The following STPG2 variants were observed in gnomAD, a reference collection of about 807,000 sequenced individuals.
STPG2 encodes the protein sperm-tail PG-rich repeat-containing protein 2.
Under a neutral mutation model 54.2 loss-of-function variants are expected in STPG2, and 56 were observed. That is an observed-to-expected ratio of 1.03 (90% CI 0.83 to 1.29). The LOEUF (loss-of-function observed/expected upper bound fraction) is 1.29, where lower values mean the gene tolerates loss of function less well. STPG2 is among the 50% of genes most tolerant of loss of function. STPG2 has a pLI of 0.00. For synonymous variants in STPG2, 200 were observed against 181.8 expected (o/e 1.10, Z -0.81); for missense variants, 596 against 544.9 (o/e 1.09, Z -0.93).
At chr4:97,816,631 G>A (rs974634665) in intron 9 of STPG2, among the ~76,000 whole-genome samples, 4 of 152,140 alleles carry the variant, frequency 2.6e-5, no homozygotes, top group South Asian at 2.1e-4. Flanking sequence ...CACCACGGAT[G>A]AGCATCATGC....
intron 9 of STPG2, among the ~76,000 whole-genome samples, chr4:97,755,447 T>A (rs1467806788): frequency 6.6e-6 from 1 of 152,224 alleles, no homozygotes; most frequent in East Asian, 1.9e-4. Flanking sequence ...CTGAGTTACC[T>A]TTAATTACAC....
chr4:98,062,052 C>T (rs1357775755), intron 5 of STPG2, among the ~76,000 whole-genome samples: 2 of 152,094 alleles, frequency 1.3e-5, no homozygotes, highest in African/African-American at 4.8e-5. Context: ...AACCTAAATG[C>T]CCATCAATGA....
chr4:97,572,096 G>T (rs1732615820), intron 10 of STPG2, among the ~76,000 whole-genome samples: 1 of 152,006 alleles, frequency 6.6e-6, no homozygotes, highest in African/African-American at 2.4e-5. Flanking sequence ...TCAGACTATT[G>T]GTCTTAACTA....
At chr4:97,481,839 T>C (rs977752647) in intron 4 of STPG2, among the ~76,000 whole-genome samples, 1 of 151,652 alleles carries the variant, frequency 6.6e-6, no homozygotes, top group Non-Finnish European at 1.5e-5. Flanking sequence ...CTTATATTTT[T>C]CTTGACTTAT....
At chr4:98,034,052 T>C (rs557015603) in intron 5 of STPG2, among the ~76,000 whole-genome samples, 81 of 152,180 alleles carry the variant, frequency 5.3e-4, no homozygotes, top group African/African-American at 1.9e-3. Context: ...AAGATAAAAA[T>C]GCCCTCTCAC....
intron 8 of STPG2, among the ~76,000 whole-genome samples, chr4:97,847,140 A>C (rs954893074): frequency 1.3e-5 from 2 of 152,178 alleles, no homozygotes; most frequent in African/African-American, 2.4e-5. Context: ...TTGCCTAAAT[A>C]TTCAGAAAAC....
At chr4:98,138,822 G>C (rs1484739262) in intron 1 of STPG2, among the ~76,000 whole-genome samples, 1 of 151,996 alleles carries the variant, frequency 6.6e-6, no homozygotes, top group African/African-American at 2.4e-5. Context: ...AGAAATCTGG[G>C]AAAGAATATT....
chr4:97,597,579 A>G (rs1219127641), intron 10 of STPG2, among the ~76,000 whole-genome samples: 1 of 152,178 alleles, frequency 6.6e-6, no homozygotes, highest in Non-Finnish European at 1.5e-5. Flanking sequence ...TTGTTTCAAT[A>G]TATGCAAATC....
intron 10 of STPG2, among the ~76,000 whole-genome samples, chr4:97,708,119 A>G (rs1724007125): frequency 6.6e-6 from 1 of 152,168 alleles, no homozygotes; most frequent in Non-Finnish European, 1.5e-5. Context: ...ATACACGGCA[A>G]AAACAAACAT....
chr4:97,828,983 G>A (rs895021642), intron 9 of STPG2, among the ~76,000 whole-genome samples: 1 of 152,208 alleles, frequency 6.6e-6, no homozygotes, highest in Non-Finnish European at 1.5e-5. Flanking sequence ...TGATGGCTCT[G>A]AGAGCAGCAG....
At chr4:97,780,443 G>C (rs1471273445) in intron 9 of STPG2, among the ~76,000 whole-genome samples, 2 of 34,404 alleles carry the variant, frequency 5.8e-5, no homozygotes, top group Admixed American at 6.8e-4. Flanking sequence ...AGTCCTTAGA[G>C]ACCTACAAAG....
At chr4:97,702,123 C>T (rs1344940288) in intron 10 of STPG2, among the ~76,000 whole-genome samples, 1 of 152,180 alleles carries the variant, frequency 6.6e-6, no homozygotes, top group Non-Finnish European at 1.5e-5. Flanking sequence ...GCATTTGGAT[C>T]CCTTCCTCTA....
At chr4:97,694,189 C>A (rs934311031) in intron 10 of STPG2, among the ~76,000 whole-genome samples, 5 of 151,692 alleles carry the variant, frequency 3.3e-5, no homozygotes, top group African/African-American at 1.2e-4. Context: ...GAAACTGAAA[C>A]AAACAAACAA....
At chr4:98,133,742 G>C (rs1163693625) in intron 2 of STPG2, among the ~76,000 whole-genome samples, 2 of 151,906 alleles carry the variant, frequency 1.3e-5, no homozygotes, top group Non-Finnish European at 2.9e-5. Context: ...CTTCAACAAG[G>C]ACTTTATCTG....
chr4:97,584,090 T>C (rs1410340630), intron 10 of STPG2, among the ~76,000 whole-genome samples: 2 of 151,868 alleles, frequency 1.3e-5, no homozygotes, highest in Non-Finnish European at 2.9e-5. Flanking sequence ...TTATTTTCAT[T>C]AGCATATGGA....
At chr4:97,794,409 A>G (rs1727101845) in intron 9 of STPG2, among the ~76,000 whole-genome samples, 1 of 152,148 alleles carries the variant, frequency 6.6e-6, no homozygotes, top group Non-Finnish European at 1.5e-5. Context: ...TCTACAAAGT[A>G]TGCTACTAAA....
At chr4:97,860,871 C>T (rs1729508553) in intron 8 of STPG2, among the ~76,000 whole-genome samples, 1 of 152,142 alleles carries the variant, frequency 6.6e-6, no homozygotes, top group South Asian at 2.1e-4. Context: ...AGGGAAAATG[C>T]TTTCAGCTTT....
chr4:97,729,063 T>TCTCTCTCTCTCTCTCTCTCTCTCTCTC (rs1724710920), intron 9 of STPG2, among the ~76,000 whole-genome samples: 2 of 124,844 alleles, frequency 1.6e-5, no homozygotes, highest in Non-Finnish European at 3.4e-5. Flanking sequence ...CCCCAAGAAT[T>TCTCTCTCTCTCTCTCTCTCTCTCTCTC]TCTCTCTCTC....
At chr4:97,677,006 A>G (rs1722871669) in intron 10 of STPG2, among the ~76,000 whole-genome samples, 2 of 152,314 alleles carry the variant, frequency 1.3e-5, no homozygotes, top group South Asian at 4.1e-4. Flanking sequence ...AGCTATGTCA[A>G]TTTAAAGCCT....
Sources: allele counts gnomAD v4.1 joint callset (sites outside exome capture counted in the v4.1 genomes callset), GRCh38; gene constraint gnomAD v4.1.1; transcripts MANE v1.5; gene names NCBI Gene and HGNC (gene_info 2026-07-23, HGNC 2026-07-21).